ERC1: variants seen among roughly 807,000 people sequenced by gnomAD.
ERC1 encodes the protein ELKS/RAB6-interacting/CAST family member 1, also known as RAB6 interacting protein 2.
ERC1 carries 56 observed loss-of-function variants against 132.0 expected under a neutral mutation model. The ratio of observed to expected loss-of-function variants is 0.42; its 90% CI spans 0.34 to 0.53. The LOEUF is 0.53. Among genes scored for constraint, ERC1 ranks in the 20% least tolerant of loss-of-function variants. ERC1 has a pLI of 0.03. For missense variants in ERC1, 1,202 were observed against 1,349.9 expected (o/e 0.89, Z 1.72); for synonymous variants, 478 against 476.1 (o/e 1.00, Z -0.05).
At chr12:1,121,654 TC>T in intron 7 of ERC1, among the ~76,000 whole-genome samples, 1 of 13,726 alleles carries the variant, frequency 7.3e-5, no homozygotes, top group African/African-American at 1.3e-4. Flanking sequence ...TCTATCTCTA[TC>T]TCTATCTCTA....
chr12:1,046,958 G>T (rs1376157329), intron 2 of ERC1, among the ~76,000 whole-genome samples: 1 of 152,206 alleles, frequency 6.6e-6, no homozygotes, highest in African/African-American at 2.4e-5. Context: ...GAGGAAAGTA[G>T]CCTTATTCTA....
At chr12:1,127,303 T>C (rs1051910542) in intron 7 of ERC1, among the ~76,000 whole-genome samples, 11 of 152,292 alleles carry the variant, frequency 7.2e-5, no homozygotes, top group African/African-American at 1.9e-4. Flanking sequence ...AGAAAAACTT[T>C]CCTGCTGGTC....
intron 1 of ERC1, among the ~76,000 whole-genome samples, chr12:994,798 C>T (rs1960444928): frequency 6.6e-6 from 1 of 151,848 alleles, no homozygotes; most frequent in African/African-American, 2.4e-5. Context: ...CATGTCTCTA[C>T]AAAAATAAAA....
At chr12:1,168,442 A>C (rs1383248938) in intron 8 of ERC1, among the ~76,000 whole-genome samples, 4 of 151,352 alleles carry the variant, frequency 2.6e-5, no homozygotes, top group Non-Finnish European at 5.9e-5. Context: ...ACTTCTATAA[A>C]GCAGCTAAGC....
At chr12:1,195,981 C>T (rs1210747276) in intron 12 of ERC1, among the ~76,000 whole-genome samples, 2 of 148,624 alleles carry the variant, frequency 1.3e-5, no homozygotes, top group African/African-American at 2.5e-5. Flanking sequence ...GGACAACACA[C>T]GGGCCCTGAC....
chr12:1,484,115 C>T (rs1212191979), intron 18 of ERC1, among the ~76,000 whole-genome samples: 2 of 151,438 alleles, frequency 1.3e-5, no homozygotes, highest in East Asian at 4.0e-4. Flanking sequence ...ACCTTCCTGG[C>T]TAACATGGTG....
intron 14 of ERC1, among the ~76,000 whole-genome samples, chr12:1,278,715 A>C (rs1442333087): frequency 6.6e-6 from 1 of 152,178 alleles, no homozygotes; most frequent in East Asian, 1.9e-4. Flanking sequence ...ACTATATTTA[A>C]AGTTATATTC....
At chr12:1,102,647 G>A (rs1944800485) in intron 3 of ERC1, among the ~76,000 whole-genome samples, 1 of 152,216 alleles carries the variant, frequency 6.6e-6, no homozygotes, top group Non-Finnish European at 1.5e-5. Flanking sequence ...AGCTACTGTT[G>A]TAGGTGCTTT....
At chr12:1,432,528 C>T (rs551917559) in intron 17 of ERC1, among the ~76,000 whole-genome samples, 29 of 152,306 alleles carry the variant, frequency 1.9e-4, no homozygotes, top group South Asian at 1.2e-3. Flanking sequence ...TTTACATGTA[C>T]CGTGATCTTC....
At chr12:1,012,966 T>C (rs1298997065) in intron 1 of ERC1, among the ~76,000 whole-genome samples, 1 of 152,228 alleles carries the variant, frequency 6.6e-6, no homozygotes, top group African/African-American at 2.4e-5. Context: ...ATATTAGTTA[T>C]AAATTTTTGG....
intron 11 of ERC1, among the ~76,000 whole-genome samples, chr12:1,189,454 G>C (rs1430930493): frequency 6.6e-6 from 1 of 152,170 alleles, no homozygotes; most frequent in East Asian, 1.9e-4. Flanking sequence ...GGGTCTAGTG[G>C]GAGTTAGGTC....
rs58984591 is a variant in ERC1, at chr12:1,493,546, A to ATATATATATATATATATATAT, written c.*3316_*3317insTATATATATATATATATATAT. On this transcript the variant is annotated 3_prime_UTR_variant, in exon 19 of 19. Transcript: ENST00000360905. Reference sequence around the variant, plus strand: ...AGACTCCATTTAAAAAAAAAAAAAAAAAATATATATATATATATATATATA... The same window carrying ATATATATATATATATATATAT: ...AGACTCCATTTAAAAAAAAAAAAAAATATATATATATATATATATATAAATATATATATATATATATATATA... The ATATATATATATATATATATAT allele has an allele frequency of 1.0e-3, 25 of 24,020 alleles. No homozygotes were observed. The highest frequency in any genetic ancestry group is 1.5e-3 in the Non-Finnish European group (19 of 12,354). 1.5% of individuals were successfully genotyped at this position (24,020 alleles called of 1,614,324 possible).
chr12:1,048,081 G>A (rs1288447555), intron 2 of ERC1, among the ~76,000 whole-genome samples: 1 of 152,132 alleles, frequency 6.6e-6, no homozygotes, highest in East Asian at 1.9e-4. Context: ...AGGTAACAGC[G>A]GCCAGCACTT....
At chr12:1,229,249 C>A (rs190589408) in intron 12 of ERC1, among the ~76,000 whole-genome samples, 12 of 152,238 alleles carry the variant, frequency 7.9e-5, no homozygotes. Context: ...AGTGTGTAAT[C>A]CCAGCATTTT....
At chr12:1,332,803 A>G (rs2082968582) in intron 15 of ERC1, among the ~76,000 whole-genome samples, 2 of 152,184 alleles carry the variant, frequency 1.3e-5, no homozygotes, top group African/African-American at 4.8e-5. Context: ...GGTGGGGAAA[A>G]TAATAAACTG....
intron 12 of ERC1, among the ~76,000 whole-genome samples, chr12:1,236,047 T>A (rs1349124686): frequency 6.6e-6 from 1 of 152,134 alleles, no homozygotes; most frequent in Non-Finnish European, 1.5e-5. Context: ...ATATTGAATA[T>A]CATTCTGTAC....
At chr12:1,321,424 C>T (rs78665062) in intron 15 of ERC1, among the ~76,000 whole-genome samples, 3,848 of 152,172 alleles carry the variant, frequency 0.025, 76 homozygotes, top group South Asian at 0.08. Flanking sequence ...TCATACAATG[C>T]GGAGCCTACT....
intron 17 of ERC1, among the ~76,000 whole-genome samples, chr12:1,423,310 C>A (rs1224047850): frequency 6.6e-6 from 1 of 152,196 alleles, no homozygotes; most frequent in Non-Finnish European, 1.5e-5. Context: ...CATCAGAACC[C>A]CCCACCACTT....
At chr12:1,315,657 C>A (rs1416723197) in intron 15 of ERC1, among the ~76,000 whole-genome samples, 2 of 151,908 alleles carry the variant, frequency 1.3e-5, no homozygotes, top group Non-Finnish European at 2.9e-5. Flanking sequence ...GTGCCTCTTC[C>A]CAAATTTATT....
Sources: allele counts gnomAD v4.1 joint callset (sites outside exome capture counted in the v4.1 genomes callset), GRCh38; gene constraint gnomAD v4.1.1; transcripts MANE v1.5; gene names NCBI Gene and HGNC (gene_info 2026-07-23, HGNC 2026-07-21).